PSORS1C1: variants seen among roughly 807,000 people sequenced by gnomAD.
PSORS1C1 encodes the protein psoriasis susceptibility 1 candidate gene 1 protein.
In PSORS1C1, 7 loss-of-function variants were observed where a neutral mutation model predicts 9.4. The ratio of observed to expected loss-of-function variants is 0.75; its 90% CI spans 0.42 to 1.40. The LOEUF (loss-of-function observed/expected upper bound fraction) is 1.40. Ranked by LOEUF, PSORS1C1 falls within the 40% of genes most tolerant of loss-of-function variation. PSORS1C1 has a pLI of 0.01. For synonymous variants in PSORS1C1, 63 were observed against 69.4 expected, an observed-to-expected ratio of 0.91 and a Z score of 0.46; for missense variants, 146 against 178.1, an observed-to-expected ratio of 0.82 and a Z score of 1.02.
intron 1 of PSORS1C1, among the ~76,000 whole-genome samples, chr6:31,122,945 C>A (rs943106502): frequency 5.3e-5 from 8 of 151,468 alleles, no homozygotes; most frequent in Non-Finnish European, 1.0e-4. Flanking sequence ...GGTGCTGGGC[C>A]GTCCCAGGGT....
intron 2 of PSORS1C1, 25 bp from the exon 3 acceptor site, chr6:31,129,544 C>T (rs1376365427): frequency 1.3e-6 from 1 of 771,210 alleles, no homozygotes; most frequent in African/African-American, 1.7e-5. Flanking sequence ...CCTTCTCTTT[C>T]CCACTCACCT....
chr6:31,129,897 G>T (rs578243476), intron 3 of PSORS1C1, among the ~76,000 whole-genome samples: 9 of 152,248 alleles, frequency 5.9e-5, no homozygotes, highest in African/African-American at 1.7e-4. Context: ...AACATCAGGG[G>T]CTCAGTTCCT....
intron 3 of PSORS1C1, among the ~76,000 whole-genome samples, chr6:31,130,701 A>G (rs1772875646): frequency 6.6e-6 from 1 of 151,638 alleles, no homozygotes; most frequent in Non-Finnish European, 1.5e-5. Flanking sequence ...GCGCCTGGCA[A>G]CCTGGCCAAA....
intron 3 of PSORS1C1, among the ~76,000 whole-genome samples, chr6:31,134,624 T>C (rs1773070388): frequency 6.6e-6 from 1 of 151,592 alleles, no homozygotes; most frequent in Non-Finnish European, 1.5e-5. Context: ...TAGTTTTTAA[T>C]GAGAGTTACC....
At chr6:31,124,830 C>T (rs866235411) in intron 1 of PSORS1C1, among the ~76,000 whole-genome samples, 3 of 152,058 alleles carry the variant, frequency 2.0e-5, no homozygotes, top group African/African-American at 7.2e-5. Context: ...TAGCCGGGTG[C>T]GGGGGCAGGC....
rs118016578 is a variant in PSORS1C1, at chr6:31,133,553, G to A, written c.13+3908G>A. On this transcript the variant is annotated intron_variant, in intron 3 of 5. Coordinates refer to ENST00000259881, the MANE Select transcript of PSORS1C1 (RefSeq NM_014068.3). ...GACACACTGCCTGTTCTTCTCTCAG[G>A]TCCCGCTCCGGGCCCTCCTCCCAGA... is the stretch of plus-strand genomic sequence containing the variant. 1,640 of 152,386 alleles carry A rather than the reference G, an allele frequency of 0.011. 74 individuals carry two copies. The East Asian group carries it at 0.14, about 13-fold the overall frequency. 9.4% of individuals were successfully genotyped at this position (152,386 alleles called of 1,614,324 possible).
intron 1 of PSORS1C1, chr6:31,116,762 G>A (rs746053003): frequency 1.2e-6 from 2 of 1,613,216 alleles, no homozygotes; most frequent in Non-Finnish European, 8.5e-7. Flanking sequence ...GAGGTGATTG[G>A]GGGACAGGGC....
chr6:31,127,738 C>T (rs918798793), intron 2 of PSORS1C1, among the ~76,000 whole-genome samples: 5 of 151,836 alleles, frequency 3.3e-5, no homozygotes, highest in East Asian at 1.9e-4. Flanking sequence ...CACTTGAACC[C>T]GGGAGGTAGA....
intron 1 of PSORS1C1, chr6:31,116,356 T>C (rs1581834507): frequency 6.2e-7 from 1 of 1,611,798 alleles, no homozygotes; most frequent in Non-Finnish European, 8.5e-7. Flanking sequence ...GCAGGGGCTC[T>C]GGGAAGCACT....
intron 1 of PSORS1C1, among the ~76,000 whole-genome samples, chr6:31,119,621 G>A (rs1300762825): frequency 2.0e-5 from 3 of 152,180 alleles, no homozygotes; most frequent in African/African-American, 7.2e-5. Flanking sequence ...AATATAGGCC[G>A]GGTGTGGTGG....
chr6:31,125,407 G>A (rs1334234123), intron 1 of PSORS1C1, among the ~76,000 whole-genome samples: 1 of 152,196 alleles, frequency 6.6e-6, no homozygotes, highest in African/African-American at 2.4e-5. Flanking sequence ...CCCACTCCCA[G>A]TAGGGGATGT....
At chr6:31,117,302 A>T in intron 1 of PSORS1C1, 1 of 1,590,054 alleles carries the variant, frequency 6.3e-7, no homozygotes, top group Non-Finnish European at 8.6e-7. Flanking sequence ...GGCTTAAAAG[A>T]TCCTGCAGAA....
At chr6:31,122,705 G>A (rs1261166006) in intron 1 of PSORS1C1, among the ~76,000 whole-genome samples, 1 of 152,184 alleles carries the variant, frequency 6.6e-6, no homozygotes, top group Non-Finnish European at 1.5e-5. Context: ...CTTGAACCCT[G>A]GAGGCAGAGG....
At chr6:31,120,428 G>C in intron 1 of PSORS1C1, 1 of 1,570,624 alleles carries the variant, frequency 6.4e-7, no homozygotes, top group South Asian at 1.2e-5. Flanking sequence ...ATCTCGGACT[G>C]CACGGCCTCC....
chr6:31,127,464 G>A (rs964730375), intron 2 of PSORS1C1, among the ~76,000 whole-genome samples: 8 of 152,060 alleles, frequency 5.3e-5, no homozygotes, highest in Non-Finnish European at 7.4e-5. Context: ...ACCAGAGACC[G>A]GCGCCGACTC....
rs755187598 is a variant in PSORS1C1 at position 31,116,984 on chromosome 6, C to T, written c.-229+2093C>T. The T allele has an allele frequency of 1.8e-5, 29 of 1,614,054 alleles. 1 individual carries two copies. In the South Asian group the frequency reaches 2.7e-4, roughly 15 times the overall value. On this transcript the variant is annotated intron_variant, in intron 1 of 5. Coordinates refer to ENST00000259881, the MANE Select transcript of PSORS1C1 (RefSeq NM_014068.3). ...CTACAGGGACGCTGGTTGGAGCTGA[C>T]GCTTTGGCCACTGCTGGATACCCCA...
Position 31,128,038 on chromosome 6 carries a change from TAATC to T in PSORS1C1, c.-64-1529_-64-1526del, listed in dbSNP as rs1456716352. Among the ~76,000 whole-genome samples, 1 of 152,104 alleles carries T rather than the reference TAATC, an allele frequency of 6.6e-6. No individual in the cohort carries two copies. The highest frequency in any genetic ancestry group is 2.4e-5 in the African/African-American group (1 of 41,416). On this transcript the variant is annotated intron_variant, in intron 2 of 5. Coordinates refer to ENST00000259881, the MANE Select transcript of PSORS1C1 (RefSeq NM_014068.3). This position sits in a 1 kb window ranked among gnomAD's most constrained non-coding sequence, Gnocchi z 4.3. ...TCCTGTAGACCGCTGGCTCATGAAA[TAATC>T]AGGGAGAGAATGTGTAAATGATGAT... is the stretch of plus-strand genomic sequence containing the variant.
intron 1 of PSORS1C1, chr6:31,116,672 T>C (rs750122643): frequency 6.2e-7 from 1 of 1,612,728 alleles, no homozygotes; most frequent in Non-Finnish European, 8.5e-7. Flanking sequence ...ATTTTACCCT[T>C]ACTGTAGGTC....
In PSORS1C1 at chr6:31,139,289, T is replaced by C; in HGVS notation, c.168-352T>C. The stretch of plus-strand genomic sequence containing the variant: ...CAGAGCCTGCGTCACCCCACCCTGG[T>C]TTTCACACCCTCCATCCACATCCTG... On this transcript the variant is annotated intron_variant, in intron 5 of 5. Transcript: ENST00000259881. The surrounding 1 kb of genome is among the most constrained non-coding windows in gnomAD (Gnocchi z 5.2). 1.8e-6 allele frequency: 1 copy of C among 568,564 alleles called. No individual in the cohort carries two copies. Among genetic ancestry groups the C allele is most frequent in the Non-Finnish European group, 3.1e-6 (1 of 319,848 alleles). The allele number at this position is 568,564 out of a possible 1,614,324, so 35.2% of individuals were successfully genotyped here.
Sources: gnomAD v4.1 joint callset for allele counts (sites outside exome capture counted in the v4.1 genomes callset) on GRCh38, gnomAD v4.1.1 for gene constraint, Gnocchi (gnomAD v3.1) non-coding constraint, MANE v1.5 for transcripts, NCBI Gene and HGNC (gene_info 2026-07-23, HGNC 2026-07-21) for gene names.